Variants in ASXL1 observed in about 807,000 individuals in gnomAD.
ASXL1 encodes the protein polycomb group protein ASXL1.
ASXL1 carries 65 observed loss-of-function variants against 89.1 expected under a neutral mutation model. The ratio of observed to expected loss-of-function variants is 0.73; its 90% confidence interval spans 0.60 to 0.90. The LOEUF is 0.90. Ranked by LOEUF, ASXL1 falls within the 40% of genes least tolerant of loss-of-function variation. The pLI is 0.00. For missense variants in ASXL1, 1,786 were observed against 1,942.9 expected (o/e 0.92, Z 1.52); for synonymous variants, 739 against 746.9 (o/e 0.99, Z 0.17).
At chr20:32,377,750 C>CT in intron 4 of ASXL1, among the ~76,000 whole-genome samples, 2 of 146,816 alleles carry the variant, frequency 1.4e-5, no homozygotes, top group South Asian at 4.5e-4. Context: ...CCTCCCAGGT[C>CT]CAAGCGATTC....
At chr20:32,374,352 G>A (rs1467425100) in intron 4 of ASXL1, among the ~76,000 whole-genome samples, 3 of 151,770 alleles carry the variant, frequency 2.0e-5, no homozygotes, top group Non-Finnish European at 4.4e-5. Context: ...ATGGTGCAGT[G>A]GCACCATCAT....
intron 4 of ASXL1, among the ~76,000 whole-genome samples, chr20:32,410,121 G>A (rs561230572): frequency 1.3e-5 from 2 of 152,222 alleles, no homozygotes; most frequent in East Asian, 3.9e-4. Flanking sequence ...ACTTGGTTAA[G>A]GTGGTGTCTG....
chr20:32,364,895 A>G (rs971050392), intron 1 of ASXL1, among the ~76,000 whole-genome samples: 2 of 152,198 alleles, frequency 1.3e-5, no homozygotes, highest in African/African-American at 4.8e-5. Flanking sequence ...AATGGATTTG[A>G]GGAAAGCAGG....
At chr20:32,400,208 G>A (rs1279856329) in intron 4 of ASXL1, among the ~76,000 whole-genome samples, 3 of 152,042 alleles carry the variant, frequency 2.0e-5, no homozygotes, top group Admixed American at 2.0e-4. Context: ...TGTCATTTCA[G>A]GGTTGGTTGC....
chr20:32,426,174 T>C (rs2011277447), intron 4 of ASXL1, among the ~76,000 whole-genome samples: 1 of 152,270 alleles, frequency 6.6e-6, no homozygotes, highest in African/African-American at 2.4e-5. Context: ...TTTCATGTCC[T>C]GTGTAAATCT....
intron 4 of ASXL1, among the ~76,000 whole-genome samples, chr20:32,391,957 T>A (rs1315278271): frequency 6.8e-6 from 1 of 146,894 alleles, no homozygotes; most frequent in Non-Finnish European, 1.5e-5. Context: ...TATTTGTAGT[T>A]GGACCTTGAT....
chr20:32,407,349 GA>G (rs905125208), intron 4 of ASXL1, among the ~76,000 whole-genome samples: 47 of 151,358 alleles, frequency 3.1e-4, no homozygotes, highest in African/African-American at 8.0e-4. Context: ...GTCTCGGGGG[GA>G]AAAAAAAGAA....
At position 32,433,518 on chromosome 20, in the gene ASXL1, A is replaced by G. The variant is rs1229359914; in HGVS notation, c.1320A>G (p.Lys440=). Residue 440 remains lysine (K), a synonymous_variant, in exon 12 of 13, where the codon AAA becomes AAG. Transcript: ENST00000375687. ...SEQAGVAKDA[K]SVASDVPLYK... ...AAGCAGGGGTTGCTAAGGATGCAAA[A>G]TCTGTGGCCTCAGATGTTCCCCTCT... 3.7e-6 allele frequency: 6 copies of G among 1,614,074 alleles called. No individual in the cohort carries two copies. Among genetic ancestry groups the G allele is most frequent in the Non-Finnish European group, 5.1e-6 (6 of 1,180,040 alleles).
At chr20:32,417,902 G>T in intron 4 of ASXL1, among the ~76,000 whole-genome samples, 2 of 152,126 alleles carry the variant, frequency 1.3e-5, no homozygotes, top group South Asian at 4.2e-4. Context: ...AAGTTGGCCG[G>T]GCGCGGTGAC....
At position 32,429,233 on chromosome 20, in the gene ASXL1, C is replaced by T. The variant is rs531467529; in HGVS notation, c.472-105C>T. 2.1e-5 allele frequency: 24 copies of T among 1,160,528 alleles called. No individual in the cohort carries two copies. The highest frequency in any genetic ancestry group is 1.8e-4 in the African/African-American group (12 of 65,100). 71.9% of individuals were successfully genotyped at this position (1,160,528 alleles called of 1,614,324 possible). On this transcript the variant is annotated intron_variant, in intron 6 of 12. Transcript: ENST00000375687. This position sits in a 1 kb window ranked among gnomAD's most constrained non-coding sequence, Gnocchi z 4.9. The stretch of plus-strand genomic sequence containing the variant: ...ATTATTTGACAGATCTGGTTGAAGA[C>T]GAACTTCATTTTACAAGAGCGTGAG...
At position 32,433,363 on chromosome 20, in the gene ASXL1, C is replaced by G. The variant is rs1600582323; in HGVS notation, c.1165C>G (p.Pro389Ala). The G allele has an allele frequency of 1.9e-6, 3 of 1,614,088 alleles. No individual in the cohort carries two copies. Among genetic ancestry groups the G allele is most frequent in the Middle Eastern group, 1.6e-4 (1 of 6,062 alleles). ...EAEIKSGLCVPGESVRIQRGP... is the reference protein window; with the variant it reads ...EAEIKSGLCVAGESVRIQRGP... ...TGAAATCAAAAGTGGCTTGTGTGTC[C>G]CAGGAGAATCAGTGCGTATACAGCG... is the stretch of plus-strand genomic sequence containing the variant. Residue 389 changes from proline to alanine, a missense_variant, in exon 12 of 13, where the codon CCA becomes GCA. Pro to Ala is a conservative substitution (Grantham distance 27). This residue lies in a region of ASXL1 where 1,418 missense variants were observed against 1,427.8 expected (regional missense o/e 0.99). Coordinates refer to ENST00000375687, the MANE Select transcript of ASXL1 (RefSeq NM_015338.6).
At chr20:32,418,808 T>C (rs1192511413) in intron 4 of ASXL1, among the ~76,000 whole-genome samples, 2 of 100,140 alleles carry the variant, frequency 2.0e-5, no homozygotes, top group Non-Finnish European at 1.9e-5. Context: ...AGAATTGACA[T>C]CTTTTTTTTT....
At position 32,436,592 on chromosome 20, in the gene ASXL1, C is replaced by T; in HGVS notation, c.3880C>T (p.Gln1294Ter). The T allele has an allele frequency of 6.2e-7, 1 of 1,614,156 alleles. No individual in the cohort carries two copies. Among genetic ancestry groups the T allele is most frequent in the Non-Finnish European group, 8.5e-7 (1 of 1,180,046 alleles). The change falls in exon 13 of 13, where the codon CAG (glutamine) becomes TAG (stop). Residue 1294 changes from glutamine to a stop codon, truncating the protein, a stop_gained. Coordinates refer to ENST00000375687, the MANE Select transcript of ASXL1 (RefSeq NM_015338.6). LOFTEE classifies it high-confidence loss of function. ...GCAGACAGGTCGGGCCCTGGGTGAT[C>T]AGAGCAATGTTACAGGCCAAGGGAA... is the stretch of plus-strand genomic sequence containing the variant. ...PEQTGRALGD[Q>*]SNVTGQGKKL...
intron 4 of ASXL1, among the ~76,000 whole-genome samples, chr20:32,414,415 T>A (rs552070058): frequency 1.3e-4 from 20 of 152,140 alleles, no homozygotes; most frequent in South Asian, 2.1e-4. Flanking sequence ...TTTATTTTTT[T>A]AAAAAAATAT....
At chr20:32,398,416 C>T (rs1218457589) in intron 4 of ASXL1, among the ~76,000 whole-genome samples, 1 of 152,020 alleles carries the variant, frequency 6.6e-6, no homozygotes, top group African/African-American at 2.4e-5. Flanking sequence ...GGTTCCAAAA[C>T]ATTTTTTTTT....
chr20:32,431,736 A>G, intron 10 of ASXL1, 57 bp downstream of exon 10: 5 of 1,558,820 alleles, frequency 3.2e-6, no homozygotes, highest in South Asian at 2.2e-5. Context: ...GTGGTGTTGC[A>G]TGTCTCCTGG....
intron 4 of ASXL1, among the ~76,000 whole-genome samples, chr20:32,370,767 T>C (rs1808736586): frequency 6.6e-6 from 1 of 152,112 alleles, no homozygotes; most frequent in South Asian, 2.1e-4. Flanking sequence ...CTATATTTTT[T>C]TATATCCAAT....
In ASXL1 at chr20:32,437,930, C is replaced by T; in HGVS notation, c.*592C>T. 1 of 240,166 alleles carries T rather than the reference C, an allele frequency of 4.2e-6. No homozygotes were observed. The highest frequency in any genetic ancestry group is 5.2e-5 in the Admixed American group (1 of 19,302). 14.9% of individuals were successfully genotyped at this position (240,166 alleles called of 1,614,324 possible). ...TTCTGTTGCTGAAGCAAATTTGGAACTTTTCTGTCTCAGTGTGATCCACTA... is the reference window on the plus strand; with the variant it reads ...TTCTGTTGCTGAAGCAAATTTGGAATTTTTCTGTCTCAGTGTGATCCACTA... On this transcript the variant is annotated 3_prime_UTR_variant, in exon 13 of 13. Transcript: ENST00000375687.
intron 4 of ASXL1, among the ~76,000 whole-genome samples, chr20:32,381,754 T>A (rs545815364): frequency 6.6e-6 from 1 of 152,052 alleles, no homozygotes; most frequent in African/African-American, 2.4e-5. Context: ...GACCTCGTGA[T>A]CCACCCACCT....
Sources: allele counts gnomAD v4.1 joint callset (sites outside exome capture counted in the v4.1 genomes callset), GRCh38; gene constraint gnomAD v4.1.1; regional missense constraint gnomAD v4.1.1; non-coding constraint Gnocchi (gnomAD v3.1); transcripts MANE v1.5; gene names NCBI Gene and HGNC (gene_info 2026-07-23, HGNC 2026-07-21).